FNDC3B: variants seen among roughly 807,000 people sequenced by gnomAD.
FNDC3B encodes fibronectin type III domain-containing protein 3B.
FNDC3B carries 12 observed loss-of-function variants against 151.5 expected under a neutral mutation model. The ratio of observed to expected loss-of-function variants is 0.08; its 90% CI spans 0.05 to 0.13. FNDC3B has a LOEUF of 0.13. FNDC3B is among the 10% of genes least tolerant of loss of function. The pLI, the probability that FNDC3B is intolerant of heterozygous loss-of-function variation, is 1.00. For synonymous variants in FNDC3B, 528 were observed against 549.0 expected, an observed-to-expected ratio of 0.96 and a Z score of 0.54; for missense variants, 1,214 against 1,505.3, an observed-to-expected ratio of 0.81 and a Z score of 3.20.
intron 11 of FNDC3B, among the ~76,000 whole-genome samples, chr3:172,313,639 C>T (rs1234775248): frequency 6.6e-6 from 1 of 152,184 alleles, no homozygotes; most frequent in Non-Finnish European, 1.5e-5. Flanking sequence ...CAAACGTACG[C>T]CTATCCTCTT....
At chr3:172,057,266 A>G (rs1254965686) in intron 1 of FNDC3B, among the ~76,000 whole-genome samples, 3 of 152,178 alleles carry the variant, frequency 2.0e-5, no homozygotes, top group Admixed American at 2.0e-4. Context: ...CTGGGTCACC[A>G]CTGCAGACAG....
At chr3:172,052,018 A>G (rs1346025606) in intron 1 of FNDC3B, among the ~76,000 whole-genome samples, 1 of 152,088 alleles carries the variant, frequency 6.6e-6, no homozygotes, top group African/African-American at 2.4e-5. Context: ...TTTTAAAATA[A>G]TGTAACTTTT....
At chr3:172,103,379 G>A (rs62283812) in intron 1 of FNDC3B, among the ~76,000 whole-genome samples, 5,109 of 152,092 alleles carry the variant, frequency 0.034, 110 homozygotes, top group Non-Finnish European at 0.048. Flanking sequence ...TACGGAAGCA[G>A]CCTCAAATTA....
chr3:172,125,976 T>C (rs192873823), intron 2 of FNDC3B, among the ~76,000 whole-genome samples: 9 of 152,342 alleles, frequency 5.9e-5, no homozygotes, highest in Admixed American at 5.2e-4. Context: ...AAATCACTTA[T>C]GCATAGCCTT....
At chr3:172,061,081 T>A (rs938773693) in intron 1 of FNDC3B, among the ~76,000 whole-genome samples, 1 of 152,206 alleles carries the variant, frequency 6.6e-6, no homozygotes, top group Non-Finnish European at 1.5e-5. Context: ...GGGAAGTCAC[T>A]GGAAGCACAG....
chr3:172,232,563 A>G (rs552168480), intron 4 of FNDC3B, among the ~76,000 whole-genome samples: 2 of 152,122 alleles, frequency 1.3e-5, no homozygotes, highest in East Asian at 3.9e-4. Flanking sequence ...AGGTTGGGGG[A>G]TGTGGTGTGT....
chr3:172,258,040 G>A (rs1400106899), intron 6 of FNDC3B, among the ~76,000 whole-genome samples: 1 of 152,154 alleles, frequency 6.6e-6, no homozygotes, highest in African/African-American at 2.4e-5. Flanking sequence ...ATATATACTA[G>A]TGATGGAAGA....
intron 7 of FNDC3B, among the ~76,000 whole-genome samples, chr3:172,294,348 G>A (rs934732650): frequency 2.3e-4 from 35 of 152,242 alleles, no homozygotes; most frequent in South Asian, 4.1e-4. Flanking sequence ...GGCTGTACAA[G>A]CATGGCTGGG....
rs1450712622 is a variant in FNDC3B at position 172,399,288 on chromosome 3, T to C, written c.*1813T>C. 1 of 152,626 alleles carries C rather than the reference T, an allele frequency of 6.6e-6. No individual in the cohort carries two copies. The highest frequency in any genetic ancestry group is 2.4e-5 in the African/African-American group (1 of 41,452). The allele number at this position is 152,626 out of a possible 1,614,324, so 9.5% of individuals were successfully genotyped here. A position where few individuals can be genotyped will look rare whatever the true frequency, so the allele number is the denominator to read the frequency against. On this transcript the variant is annotated 3_prime_UTR_variant, in exon 26 of 26. Transcript: ENST00000415807. ...TATATTTTTGTGTTTTATACTTTTG[T>C]AATTTTAGGTCAGTCTTGTTCCTTG... is the stretch of plus-strand genomic sequence containing the variant.
At chr3:172,087,106 G>C (rs1718587098) in intron 1 of FNDC3B, among the ~76,000 whole-genome samples, 1 of 152,170 alleles carries the variant, frequency 6.6e-6, no homozygotes, top group African/African-American at 2.4e-5. Context: ...AATCCAAACG[G>C]AATGAGAAGG....
chr3:172,344,999 G>T (rs1235383399), intron 19 of FNDC3B, among the ~76,000 whole-genome samples: 5 of 152,138 alleles, frequency 3.3e-5, no homozygotes, highest in Non-Finnish European at 7.3e-5. Flanking sequence ...AGTGCCAGTG[G>T]TTTGTGTAGA....
chr3:172,134,192 C>T (rs1241590227), intron 3 of FNDC3B, among the ~76,000 whole-genome samples: 2 of 152,080 alleles, frequency 1.3e-5, no homozygotes, highest in Non-Finnish European at 2.9e-5. Context: ...GTAGGTAAGG[C>T]TTTTGGGTGT....
intron 1 of FNDC3B, among the ~76,000 whole-genome samples, chr3:172,106,851 TAAG>T (rs201356059): frequency 0.01 from 1,570 of 152,216 alleles, 20 homozygotes; most frequent in Admixed American, 0.04. Context: ...GGAAGCAAAA[TAAG>T]AAGAAAAAGG....
At chr3:172,218,134 G>GAAAAAAAAAAAAAAAAAA (rs57576493) in intron 3 of FNDC3B, among the ~76,000 whole-genome samples, 1 of 62,740 alleles carries the variant, frequency 1.6e-5, no homozygotes, top group Non-Finnish European at 3.1e-5. Flanking sequence ...CGACTTTCAG[G>GAAAAAAAAAAAAAAAAAA]AAAAAAAAAA....
chr3:172,328,209 A>C (rs1198168617), intron 11 of FNDC3B, among the ~76,000 whole-genome samples: 1 of 152,162 alleles, frequency 6.6e-6, no homozygotes, highest in Non-Finnish European at 1.5e-5. Context: ...CTGACAAGAA[A>C]CTTAGAGTGA....
intron 1 of FNDC3B, among the ~76,000 whole-genome samples, chr3:172,102,998 C>G (rs1470980441): frequency 6.6e-6 from 1 of 152,072 alleles, no homozygotes; most frequent in Non-Finnish European, 1.5e-5. Context: ...GGCATGTTTC[C>G]TTGTAGATAC....
chr3:172,107,263 T>G (rs1719702000), intron 1 of FNDC3B, among the ~76,000 whole-genome samples: 1 of 152,160 alleles, frequency 6.6e-6, no homozygotes. Flanking sequence ...AATGGAAGTA[T>G]GGGTACAAAC....
At chr3:172,154,962 T>A (rs1251402518) in intron 3 of FNDC3B, among the ~76,000 whole-genome samples, 1 of 151,888 alleles carries the variant, frequency 6.6e-6, no homozygotes, top group Non-Finnish European at 1.5e-5. Context: ...AGGTCAGAGC[T>A]GGAAACCACA....
At chr3:172,367,016 T>C (rs1045626882) in intron 23 of FNDC3B, among the ~76,000 whole-genome samples, 1 of 152,204 alleles carries the variant, frequency 6.6e-6, no homozygotes, top group African/African-American at 2.4e-5. Context: ...AAAGAGCATC[T>C]TGCCCAAACC....
Sources: allele counts gnomAD v4.1 joint callset (sites outside exome capture counted in the v4.1 genomes callset), GRCh38; gene constraint gnomAD v4.1.1; transcripts MANE v1.5; gene names NCBI Gene and HGNC (gene_info 2026-07-23, HGNC 2026-07-21).